LINC00305: variants seen among roughly 807,000 people sequenced by gnomAD.
LINC00305 encodes long intergenic non-protein coding RNA 305.
intron 1 of LINC00305, among the ~76,000 whole-genome samples, chr18:64,143,602 A>G (rs1386920977): frequency 1.0e-5 from 1 of 98,106 alleles, no homozygotes; most frequent in African/African-American, 5.1e-5. Flanking sequence ...ACACATATGT[A>G]TATGTACATA....
intron 1 of LINC00305, among the ~76,000 whole-genome samples, chr18:64,104,565 C>T (rs2051281832): frequency 1.3e-5 from 2 of 152,172 alleles, no homozygotes; most frequent in Admixed American, 1.3e-4. Flanking sequence ...CAGGGGATGT[C>T]ATAGAAGAAG....
At chr18:64,080,202 T>A (rs1438879099) in exon 4 of LINC00305, 1 of 294,020 alleles carries the variant, frequency 3.4e-6, no homozygotes, top group East Asian at 1.1e-4. Context: ...AAATCCAAAG[T>A]CCCTGCCGTT....
chr18:64,116,067 A>G (rs118163614), intron 1 of LINC00305, among the ~76,000 whole-genome samples: 4 of 152,254 alleles, frequency 2.6e-5, no homozygotes, highest in Non-Finnish European at 5.9e-5. Flanking sequence ...CTCTCCAGCC[A>G]TTTTTTACCA....
intron 1 of LINC00305, among the ~76,000 whole-genome samples, chr18:64,118,327 C>T (rs751508120): frequency 2.6e-5 from 4 of 152,260 alleles, no homozygotes; most frequent in Non-Finnish European, 5.9e-5. Flanking sequence ...ATACAGTCTA[C>T]GAAGGCAACC....
At chr18:64,114,940 C>A (rs955034041) in intron 1 of LINC00305, among the ~76,000 whole-genome samples, 6 of 152,110 alleles carry the variant, frequency 3.9e-5, no homozygotes, top group African/African-American at 1.4e-4. Flanking sequence ...AGGTAAAAAG[C>A]CTGAAAACTT....
At chr18:64,099,544 C>T (rs1045797292) in intron 1 of LINC00305, among the ~76,000 whole-genome samples, 8 of 152,316 alleles carry the variant, frequency 5.3e-5, no homozygotes, top group African/African-American at 1.9e-4. Flanking sequence ...GAAATGATCT[C>T]ACTCCTGAAA....
intron 1 of LINC00305, among the ~76,000 whole-genome samples, chr18:64,138,674 C>T (rs1378182473): frequency 1.3e-5 from 2 of 151,982 alleles, no homozygotes; most frequent in Non-Finnish European, 2.9e-5. Flanking sequence ...TTTTGGGGGG[C>T]CTATTTTTTA....
intron 2 of LINC00305, chr18:64,098,155 A>G (rs2051252861): frequency 2.9e-6 from 1 of 348,144 alleles, no homozygotes; most frequent in Non-Finnish European, 5.7e-6. Flanking sequence ...AGTTGAAACT[A>G]TCCATCTAAT....
chr18:64,085,660 T>C (rs2051200524), intron 3 of LINC00305, among the ~76,000 whole-genome samples: 1 of 152,082 alleles, frequency 6.6e-6, no homozygotes, highest in South Asian at 2.1e-4. Context: ...GGGGTTTCGC[T>C]ATGTTGGCCA....
chr18:64,120,813 G>T (rs2051358728), intron 1 of LINC00305, among the ~76,000 whole-genome samples: 1 of 152,066 alleles, frequency 6.6e-6, no homozygotes, highest in Non-Finnish European at 1.5e-5. Context: ...AAACCAGATT[G>T]CAAGTGAAAA....
chr18:64,143,073 T>C (rs566363037), intron 1 of LINC00305, among the ~76,000 whole-genome samples: 26 of 150,386 alleles, frequency 1.7e-4, no homozygotes, highest in Admixed American at 4.0e-4. Flanking sequence ...GGGAAGAGAG[T>C]GGGAGTTAAA....
At chr18:64,114,746 G>T (rs2051330294) in intron 1 of LINC00305, among the ~76,000 whole-genome samples, 1 of 152,100 alleles carries the variant, frequency 6.6e-6, no homozygotes, top group African/African-American at 2.4e-5. Context: ...ATGGAGTTTT[G>T]CCATGTTGGC....
At chr18:64,137,333 G>A (rs1047950618) in intron 1 of LINC00305, among the ~76,000 whole-genome samples, 15 of 152,230 alleles carry the variant, frequency 9.9e-5, no homozygotes, top group Admixed American at 6.5e-4. Flanking sequence ...CTCCAGAACT[G>A]TGAGAGAACA....
At chr18:64,106,417 A>G (rs1485612907) in intron 1 of LINC00305, among the ~76,000 whole-genome samples, 1 of 152,026 alleles carries the variant, frequency 6.6e-6, no homozygotes, top group Non-Finnish European at 1.5e-5. Flanking sequence ...CCACCTTTAC[A>G]AACTTAGATC....
In LINC00305 at chr18:64,144,893, G is replaced by T. The variant is rs550746880; in HGVS notation, n.314+3882C>A. ...CCAAGATTCCTATCCCAGAAAAGCA[G>T]ATGTTCATACCTCTGGGAGTGGAAT... is the stretch of plus-strand genomic sequence containing the variant. On this transcript the variant is annotated intron_variant and non_coding_transcript_variant, in intron 1 of 3. Coordinates refer to ENST00000666468, the Ensembl canonical transcript of LINC00305. Among the ~76,000 whole-genome samples, 15 of 152,238 alleles carry T rather than the reference G, an allele frequency of 9.9e-5. No individual in the cohort carries two copies. The East Asian group carries it at 2.9e-3, about 29-fold the overall frequency.
chr18:64,101,499 C>T (rs929444697), intron 1 of LINC00305, among the ~76,000 whole-genome samples: 2 of 152,210 alleles, frequency 1.3e-5, no homozygotes, highest in Non-Finnish European at 2.9e-5. Context: ...CCCATTGTCA[C>T]ATGGTATTTT....
At chr18:64,124,064 T>C (rs529421511) in intron 1 of LINC00305, among the ~76,000 whole-genome samples, 2 of 152,238 alleles carry the variant, frequency 1.3e-5, no homozygotes, top group African/African-American at 4.8e-5. Flanking sequence ...AAACTTATTT[T>C]CCTTATAAAC....
intron 3 of LINC00305, among the ~76,000 whole-genome samples, chr18:64,093,101 A>G (rs547502416): frequency 6.6e-6 from 1 of 152,308 alleles, no homozygotes; most frequent in South Asian, 2.1e-4. Flanking sequence ...GAGTCTATAA[A>G]AATATTAGCC....
intron 1 of LINC00305, among the ~76,000 whole-genome samples, chr18:64,103,880 G>A (rs914164529): frequency 6.6e-6 from 1 of 152,194 alleles, no homozygotes; most frequent in Non-Finnish European, 1.5e-5. Context: ...ATGATCTGTG[G>A]ACATGGACAG....
Sources: allele counts gnomAD v4.1 joint callset (sites outside exome capture counted in the v4.1 genomes callset), GRCh38; gene constraint gnomAD v4.1.1; transcripts MANE v1.5; gene names NCBI Gene and HGNC (gene_info 2026-07-23, HGNC 2026-07-21).